Variants in ANO7 observed in about 807,000 individuals in gnomAD.
The protein encoded by ANO7 is anoctamin-7.
A neutral mutation model predicts 115.8 loss-of-function variants in ANO7; 114 were observed. The ratio of observed to expected loss-of-function variants is 0.98; its 90% CI spans 0.85 to 1.15. The LOEUF is 1.15. Among genes scored for constraint, ANO7 ranks in the 50% most tolerant of loss-of-function variants. The pLI is 0.00. For synonymous variants in ANO7, 550 were observed against 498.2 expected, an observed-to-expected ratio of 1.10 and a Z score of -1.38; for missense variants, 1,302 against 1,201.2, an observed-to-expected ratio of 1.08 and a Z score of -1.24.
At chr2:241,202,131 A>G in intron 7 of ANO7, 63 bp from the exon 8 acceptor site, 1 of 1,419,038 alleles carries the variant, frequency 7.0e-7, no homozygotes, top group Non-Finnish European at 9.9e-7. Context: ...CAGGCTAGCT[A>G]GGACTTCCCT....
chr2:241,230,629 T>C, downstream of ANO7: 1 of 798,432 alleles, frequency 1.3e-6, no homozygotes, highest in Non-Finnish European at 2.0e-6. This position sits in a 1 kb window ranked among gnomAD's most constrained non-coding sequence, Gnocchi z 5.0. Flanking sequence ...ATGAGGACAG[T>C]TCCACTGCCA....
rs566270205 is a variant in ANO7, at chr2:241,208,976, C to T, written c.1078-309C>T. 0.062 allele frequency among the ~76,000 whole-genome samples: 9,383 copies of T among 152,120 alleles called. 388 individuals carry two copies. Among genetic ancestry groups the T allele is most frequent in the Non-Finnish European group, 0.096 (6,538 of 67,966 alleles). ...CATCCTGGCTAACACGGTGAAACCT[C>T]GTCTCTACTAAAAATACAAAAATTT... On this transcript the variant is annotated intron_variant, in intron 11 of 24. Transcript: ENST00000674324.
At position 241,203,486 on chromosome 2, in the gene ANO7, T is replaced by A; in HGVS notation, c.877T>A (p.Phe293Ile). ...RYFGEKVALY[F>I]AWLGFYTGWL... ...CTTCGGGGAGAAGGTGGCCCTCTAC[T>A]TCGCCTGGCTCGGTGAGTCCCCCCC... Residue 293 changes from phenylalanine (F) to isoleucine (I), a missense_variant, in exon 9 of 25, where the codon TTC becomes ATC. Coordinates refer to ENST00000674324, the MANE Select transcript of ANO7 (RefSeq NM_001370694.2). The surrounding 1 kb of genome is among the most constrained non-coding windows in gnomAD (Gnocchi z 4.8). 6.6e-7 allele frequency: 1 copy of A among 1,524,868 alleles called. No individual in the cohort carries two copies. Among genetic ancestry groups the A allele is most frequent in the Non-Finnish European group, 8.8e-7 (1 of 1,135,836 alleles). The allele number at this position is 1,524,868 out of a possible 1,614,324, so 94.5% of individuals were successfully genotyped here.
intron 21 of ANO7, 90 bp downstream of exon 21, chr2:241,218,471 G>C: frequency 8.6e-7 from 1 of 1,158,394 alleles, no homozygotes; most frequent in East Asian, 3.6e-5. Flanking sequence ...GCGGTGGGGA[G>C]CCGGGAGGGG....
intron 6 of ANO7, 82 bp downstream of exon 6, chr2:241,200,307 C>T: frequency 1.3e-6 from 2 of 1,524,552 alleles, no homozygotes; most frequent in Admixed American, 4.0e-5. Context: ...CTTGGTGCTT[C>T]CCCAGGACTC....
intron 22 of ANO7, 26 bp downstream of exon 22, chr2:241,223,302 C>T: frequency 1.2e-6 from 2 of 1,613,052 alleles, no homozygotes; most frequent in Non-Finnish European, 1.7e-6. Flanking sequence ...GCTGGTTCTC[C>T]CATCCATGGC....
intron 6 of ANO7, among the ~76,000 whole-genome samples, chr2:241,200,932 C>T (rs1176604043): frequency 6.6e-6 from 1 of 152,260 alleles, no homozygotes; most frequent in African/African-American, 2.4e-5. Flanking sequence ...TTCAGGGCGG[C>T]ACACGGGATG....
chr2:241,188,700 G>T lies in ANO7; in HGVS notation c.-74G>T. 6.2e-7 allele frequency: 1 copy of T among 1,613,570 alleles called. No homozygotes were observed. The highest frequency in any genetic ancestry group is 1.1e-5 in the South Asian group (1 of 91,074). On this transcript the variant is annotated 5_prime_UTR_variant, in exon 1 of 25. Transcript: ENST00000674324. This position sits in a 1 kb window ranked among gnomAD's most constrained non-coding sequence, Gnocchi z 4.3. ...GCAGTGAGGACGGGACTCTACTGCC[G>T]AGACCAGGCTCACGCTGAGAGGTGG...
chr2:241,229,948 A>C, downstream of ANO7: 3 of 1,600,950 alleles, frequency 1.9e-6, no homozygotes, highest in Non-Finnish European at 2.6e-6. Flanking sequence ...CTCACTGTCC[A>C]CCACGTCAGC....
In ANO7 at chr2:241,203,350, C is replaced by A; in HGVS notation, c.741C>A (p.Pro247=). ...GCCCCCAGGGCCCCTTCAAGACGCC[C>A]CCAGAGGGCCCGCAGGCTCCACGCC... ...FPLHDGPFKT[P]PEGPQAPRLN... The change falls in exon 9 of 25, where the codon CCC becomes CCA. Residue 247 remains proline, a synonymous_variant. Transcript: ENST00000674324. This position sits in a 1 kb window ranked among gnomAD's most constrained non-coding sequence, Gnocchi z 4.8. 6.4e-7 allele frequency: 1 copy of A among 1,565,796 alleles called. No individual in the cohort carries two copies. Among genetic ancestry groups the A allele is most frequent in the Non-Finnish European group, 8.6e-7 (1 of 1,158,500 alleles).
intron 21 of ANO7, among the ~76,000 whole-genome samples, chr2:241,220,673 G>A (rs901399844): frequency 3.9e-5 from 6 of 152,218 alleles, no homozygotes; most frequent in Non-Finnish European, 7.3e-5. Flanking sequence ...GGTGCTGGAC[G>A]CCTGTAGTCC....
chr2:241,223,307 C>CATGG, intron 22 of ANO7, 31 bp downstream of exon 22: 1 of 1,612,122 alleles, frequency 6.2e-7, no homozygotes, highest in Non-Finnish European at 8.5e-7. Flanking sequence ...TTCTCCCATC[C>CATGG]ATGGCATGAG....
chr2:241,230,539 G>A (rs746287153), downstream of ANO7, among the ~76,000 whole-genome samples: 10 of 152,234 alleles, frequency 6.6e-5, no homozygotes, highest in Non-Finnish European at 1.3e-4. The surrounding 1 kb of genome is among the most constrained non-coding windows in gnomAD (Gnocchi z 5.0). Flanking sequence ...CCAGGCAGCT[G>A]TCAAGGAGAT....
chr2:241,233,702 T>C, the ANO7 span: 1 of 1,092,760 alleles, frequency 9.2e-7, no homozygotes, highest in Non-Finnish European at 1.3e-6. This position sits in a 1 kb window ranked among gnomAD's most constrained non-coding sequence, Gnocchi z 4.3. Flanking sequence ...CTGAGAGACT[T>C]GCCACTCTCA....
At chr2:241,208,956 T>G (rs34575418) in intron 11 of ANO7, among the ~76,000 whole-genome samples, 2 of 152,132 alleles carry the variant, frequency 1.3e-5, no homozygotes, top group Non-Finnish European at 2.9e-5. Flanking sequence ...GAGACCATCC[T>G]GGCTAACACG....
At chr2:241,234,681 C>T in the ANO7 span, among the ~76,000 whole-genome samples, 2 of 152,214 alleles carry the variant, frequency 1.3e-5, no homozygotes, top group South Asian at 2.1e-4. Context: ...ATCCTTCAAA[C>T]GTCAGCCTTG....
At chr2:241,198,123 G>A (rs912216753) in intron 4 of ANO7, among the ~76,000 whole-genome samples, 14 of 152,114 alleles carry the variant, frequency 9.2e-5, no homozygotes, top group Non-Finnish European at 1.3e-4. Flanking sequence ...TCCTGCGTCC[G>A]ACTCCCCTCC....
rs896276816 is a variant in ANO7, at chr2:241,214,994, G to A, written c.1826+92G>A. 3 of 1,204,916 alleles carry A rather than the reference G, an allele frequency of 2.5e-6. No individual in the cohort carries two copies. In the African/African-American group the frequency reaches 4.5e-5, roughly 18 times the overall value. The allele number at this position is 1,204,916 out of a possible 1,614,324, so 74.6% of individuals were successfully genotyped here. Reference sequence around the variant, plus strand: ...CAGCCTCCAGCCCGGCCCTAGCTGGGAGAAGAGGTGAAGGGAAGGCACCTT... The same window carrying A: ...CAGCCTCCAGCCCGGCCCTAGCTGGAAGAAGAGGTGAAGGGAAGGCACCTT... On this transcript the variant is annotated intron_variant, in intron 18 of 24. Coordinates refer to ENST00000674324, the MANE Select transcript of ANO7 (RefSeq NM_001370694.2).
downstream of ANO7, chr2:241,229,784 G>GGCCGCCC: frequency 6.7e-7 from 1 of 1,502,550 alleles, no homozygotes; most frequent in Non-Finnish European, 9.1e-7. Context: ...AAGCCCGCCT[G>GGCCGCCC]CCCGCCCACC....
Sources: allele counts gnomAD v4.1 joint callset (sites outside exome capture counted in the v4.1 genomes callset), GRCh38; gene constraint gnomAD v4.1.1; non-coding constraint Gnocchi (gnomAD v3.1); transcripts MANE v1.5; gene names NCBI Gene and HGNC (gene_info 2026-07-23, HGNC 2026-07-21).